ITPR1: variants seen among roughly 807,000 people sequenced by gnomAD.
ITPR1 encodes the protein inositol 1,4,5-trisphosphate-gated calcium channel ITPR1.
In ITPR1, 96 loss-of-function variants were observed where a neutral mutation model predicts 318.4. That is an observed-to-expected ratio of 0.30 (90% confidence interval 0.26 to 0.36). The LOEUF is 0.36. Ranked by LOEUF, ITPR1 falls within the 10% of genes least tolerant of loss-of-function variation. The pLI, the probability that ITPR1 is intolerant of heterozygous loss-of-function variation, is 1.00. For synonymous variants in ITPR1, 1,312 were observed against 1,289.9 expected (o/e 1.02, Z -0.37); for missense variants, 2,440 against 3,460.2 (o/e 0.71, Z 7.40).
chr3:4,521,313 T>C (rs937202755), intron 4 of ITPR1, among the ~76,000 whole-genome samples: 3 of 152,216 alleles, frequency 2.0e-5, no homozygotes, highest in Non-Finnish European at 1.5e-5. Context: ...AATTTGTCTA[T>C]TGAATATGTG....
At chr3:4,759,926 C>A (rs1259880050) in intron 44 of ITPR1, among the ~76,000 whole-genome samples, 1 of 152,014 alleles carries the variant, frequency 6.6e-6, no homozygotes, top group African/African-American at 2.4e-5. Flanking sequence ...CACTGCCTCA[C>A]CCTGCCCCTG....
At chr3:4,729,879 T>C (rs2042778815) in intron 42 of ITPR1, among the ~76,000 whole-genome samples, 1 of 152,066 alleles carries the variant, frequency 6.6e-6, no homozygotes, top group Admixed American at 6.5e-5. Flanking sequence ...TAAAAAGGGT[T>C]GCACAGCCAA....
At chr3:4,530,233 G>A (rs1001391736) in intron 4 of ITPR1, among the ~76,000 whole-genome samples, 7 of 152,004 alleles carry the variant, frequency 4.6e-5, no homozygotes, top group South Asian at 2.1e-4. Context: ...TTTTCTCCTC[G>A]CCAGATTTTG....
chr3:4,579,987 G>A (rs1306082763), intron 4 of ITPR1, among the ~76,000 whole-genome samples: 1 of 152,160 alleles, frequency 6.6e-6, no homozygotes, highest in Non-Finnish European at 1.5e-5. Flanking sequence ...GAGACGGGTG[G>A]ATCACGAAGT....
At chr3:4,674,375 A>T (rs1213404788) in intron 22 of ITPR1, 32 bp downstream of exon 22, 2 of 1,573,926 alleles carry the variant, frequency 1.3e-6, no homozygotes, top group African/African-American at 1.4e-5. Context: ...TATGTGTATT[A>T]TCTGCCTCTC....
intron 51 of ITPR1, 21 bp downstream of exon 51, chr3:4,783,941 G>A: frequency 6.5e-7 from 1 of 1,548,952 alleles, no homozygotes; most frequent in South Asian, 1.2e-5. Context: ...AGTAAACTCA[G>A]GGCATGGGGT....
chr3:4,816,416 G>A (rs1371489215), intron 59 of ITPR1: 1 of 152,178 alleles, frequency 6.6e-6, no homozygotes. Context: ...ATCGTATCAG[G>A]AGGCATGTAA....
chr3:4,653,634 G>A (rs781703890), intron 11 of ITPR1, among the ~76,000 whole-genome samples: 5 of 152,078 alleles, frequency 3.3e-5, no homozygotes, highest in East Asian at 1.9e-4. Context: ...CTTGAGAGCC[G>A]TCTCTTGGTG....
intron 39 of ITPR1, among the ~76,000 whole-genome samples, chr3:4,714,598 C>T (rs1232054626): frequency 6.6e-6 from 1 of 152,190 alleles, no homozygotes; most frequent in East Asian, 1.9e-4. Flanking sequence ...TCCCAAATCC[C>T]TGTGAGGTGT....
At chr3:4,775,540 G>A in intron 47 of ITPR1, 98 bp downstream of exon 47, 1 of 880,650 alleles carries the variant, frequency 1.1e-6, no homozygotes, top group Non-Finnish European at 1.8e-6. Flanking sequence ...GTGCCTGTTG[G>A]CCTAGGGAGT....
chr3:4,836,222 A>G (rs1027954873), intron 60 of ITPR1, among the ~76,000 whole-genome samples: 4 of 152,312 alleles, frequency 2.6e-5, no homozygotes, highest in Admixed American at 6.5e-5. Context: ...TCATGGAGAC[A>G]GAAAATAGAA....
chr3:4,684,323 T>C lies in ITPR1; in HGVS notation c.3541T>C (p.Tyr1181His), dbSNP rs1331059849. ...KPQKHESTSS[Y>H]NYRVVKEILI... ...ACAAAAGCATGAAAGCACCAGCAGC[T>C]ACAACTACAGAGTGGTCAAAGAGGT... The change falls in exon 29 of 62, where the codon TAC becomes CAC. Residue 1181 changes from tyrosine (Y) to histidine (H), a missense_variant. By Grantham distance (83) the Tyr-to-His change is moderately conservative. Coordinates refer to ENST00000649015, the MANE Select transcript of ITPR1 (RefSeq NM_001378452.1). 1 of 1,612,946 alleles carries C rather than the reference T, an allele frequency of 6.2e-7. No homozygotes were observed. The highest frequency in any genetic ancestry group is 1.7e-5 in the Admixed American group (1 of 59,954).
chr3:4,831,170 G>C (rs73006940), intron 60 of ITPR1: 39,218 of 218,128 alleles, frequency 0.18, 2,338 homozygotes, highest in East Asian at 0.39. Context: ...CCCTCTCTCT[G>C]TCTCTCTCCC....
intron 8 of ITPR1, 56 bp from the exon 9 acceptor site, chr3:4,645,331 G>A (rs529946796): frequency 1.6e-6 from 2 of 1,212,642 alleles, no homozygotes; most frequent in African/African-American, 3.0e-5. Context: ...CTGGGGGCTG[G>A]ATGACACAGT....
intron 4 of ITPR1, among the ~76,000 whole-genome samples, chr3:4,571,094 C>G (rs949008136): frequency 4.6e-5 from 7 of 152,090 alleles, no homozygotes; most frequent in African/African-American, 1.7e-4. Flanking sequence ...TCCGTGAAGC[C>G]TTTGTTTGTG....
At chr3:4,566,894 C>G (rs1404349311) in intron 4 of ITPR1, among the ~76,000 whole-genome samples, 1 of 152,178 alleles carries the variant, frequency 6.6e-6, no homozygotes, top group Non-Finnish European at 1.5e-5. Context: ...TTTCCTCTCT[C>G]TTTCTCTGTT....
At chr3:4,814,909 G>A (rs915375317) in intron 58 of ITPR1, 144 bp from the exon 59 acceptor site, 13 of 721,354 alleles carry the variant, frequency 1.8e-5, no homozygotes, top group Middle Eastern at 5.0e-4. Flanking sequence ...GACATGAAAA[G>A]AGATGCAGTT....
chr3:4,783,386 C>T (rs1305109918), intron 50 of ITPR1, among the ~76,000 whole-genome samples: 1 of 152,186 alleles, frequency 6.6e-6, no homozygotes. Flanking sequence ...ACCAGATACA[C>T]AACAATGATG....
intron 54 of ITPR1, among the ~76,000 whole-genome samples, chr3:4,804,178 G>A (rs2048415381): frequency 6.6e-6 from 1 of 152,074 alleles, no homozygotes; most frequent in South Asian, 2.1e-4. Context: ...CGCCTAGAGT[G>A]AATTTTAAAA....
Sources: gnomAD v4.1 joint callset for allele counts (sites outside exome capture counted in the v4.1 genomes callset) on GRCh38, gnomAD v4.1.1 for gene constraint, MANE v1.5 for transcripts, NCBI Gene and HGNC (gene_info 2026-07-23, HGNC 2026-07-21) for gene names.